Variants in IRAK3 observed in about 807,000 individuals in gnomAD.
IRAK3 encodes the protein interleukin-1 receptor-associated kinase 3.
Under a neutral mutation model 56.6 loss-of-function variants are expected in IRAK3, and 57 were observed. That is an observed-to-expected ratio of 1.01 (90% confidence interval 0.81 to 1.26). IRAK3 has a LOEUF of 1.26. Ranked by LOEUF, IRAK3 falls within the 50% of genes most tolerant of loss-of-function variation. The pLI is 0.00. For synonymous variants in IRAK3, 258 were observed against 255.7 expected, an observed-to-expected ratio of 1.01 and a Z score of -0.09; for missense variants, 703 against 719.0, an observed-to-expected ratio of 0.98 and a Z score of 0.25.
At chr12:66,209,544 T>A in intron 3 of IRAK3, 24 bp downstream of exon 3, 3 of 1,406,884 alleles carry the variant, frequency 2.1e-6, no homozygotes, top group South Asian at 2.3e-5. Flanking sequence ...GCATAGAAAA[T>A]GAGCCTTGAA....
intron 2 of IRAK3, among the ~76,000 whole-genome samples, chr12:66,204,922 A>G (rs2052545206): frequency 6.6e-6 from 1 of 152,052 alleles, no homozygotes; most frequent in Non-Finnish European, 1.5e-5. Context: ...GACTTCCACC[A>G]TGATATTATT....
intron 1 of IRAK3, chr12:66,197,461 T>C: frequency 1.0e-6 from 1 of 984,538 alleles, no homozygotes. Context: ...GAAGTATACA[T>C]TTTATGGATG....
In IRAK3 at chr12:66,211,497, G is replaced by C. The variant is rs2052611354; in HGVS notation, c.488G>C (p.Arg163Thr). The C allele has an allele frequency of 2.5e-6, 4 of 1,606,694 alleles. No homozygotes were observed. Among genetic ancestry groups the C allele is most frequent in the Non-Finnish European group, 3.4e-6 (4 of 1,173,198 alleles). Residue 163 changes from arginine to threonine, a missense_variant, in exon 5 of 12, where the codon AGA becomes ACA. Transcript: ENST00000261233. ...TTTCAAAATATCATAGAAGGAACTA[G>C]AAATTTCCACAAAGACTTCCTAATT... ...ISFQNIIEGTRNFHKDFLIGE... is the reference protein window; with the variant it reads ...ISFQNIIEGTTNFHKDFLIGE...
chr12:66,216,838 A>T (rs1356938564), intron 5 of IRAK3, among the ~76,000 whole-genome samples: 1 of 152,218 alleles, frequency 6.6e-6, no homozygotes, highest in Admixed American at 6.5e-5. Context: ...TTATAAGATC[A>T]AGTTGGGGAG....
chr12:66,200,101 C>T (rs1234769143), intron 1 of IRAK3, among the ~76,000 whole-genome samples: 2 of 152,166 alleles, frequency 1.3e-5, no homozygotes, highest in South Asian at 4.1e-4. Flanking sequence ...TAGAATGTCT[C>T]AACTTTATCT....
Position 66,206,521 on chromosome 12 carries a change from CATTG to C in IRAK3, c.316+2636_316+2639del, listed in dbSNP as rs148975844. Among the ~76,000 whole-genome samples the C allele has an allele frequency of 2.1e-3, 325 of 152,258 alleles. 3 individuals are homozygous for C. The highest frequency in any genetic ancestry group is 7.4e-3 in the African/African-American group (309 of 41,562). On this transcript the variant is annotated intron_variant, in intron 2 of 11. Transcript: ENST00000261233. Reference sequence around the variant, plus strand: ...TTCATTCTGTTAATGTGGTGTATTACATTGATTGATTTTCAGATATTAAACAAAT... The same window carrying C: ...TTCATTCTGTTAATGTGGTGTATTACATTGATTTTCAGATATTAAACAAAT...
At position 66,244,557 on chromosome 12, in the gene IRAK3, A is replaced by G. The variant is rs758054666; in HGVS notation, c.959A>G (p.His320Arg). Residue 320 changes from histidine to arginine, a missense_variant, in exon 9 of 12, where the codon CAC becomes CGC. By Grantham distance (29) the His-to-Arg change is conservative. Coordinates refer to ENST00000261233, the MANE Select transcript of IRAK3 (RefSeq NM_007199.3). ...TTTGCCATGGCACACTTCCGGTCCC[A>G]CCTAGAACATCAGAGTTGTACCATA... is the stretch of plus-strand genomic sequence containing the variant. Reference protein sequence around the residue: ...TDFAMAHFRSHLEHQSCTINM... With the variant: ...TDFAMAHFRSRLEHQSCTINM... 6.2e-7 allele frequency: 1 copy of G among 1,614,114 alleles called. No homozygotes were observed. The highest frequency in any genetic ancestry group is 2.2e-5 in the East Asian group (1 of 44,876).
At chr12:66,236,073 C>G (rs2052904450) in intron 8 of IRAK3, among the ~76,000 whole-genome samples, 1 of 152,176 alleles carries the variant, frequency 6.6e-6, no homozygotes, top group Non-Finnish European at 1.5e-5. Flanking sequence ...GCTTGATAAT[C>G]TGTCATTTTT....
intron 7 of IRAK3, 70 bp downstream of exon 7, chr12:66,226,907 C>CA: frequency 3.1e-6 from 3 of 968,174 alleles, no homozygotes; most frequent in Non-Finnish European, 3.3e-6. Flanking sequence ...CTGAAACCGT[C>CA]TGGGAGAGTT....
intron 1 of IRAK3, among the ~76,000 whole-genome samples, chr12:66,199,141 G>A (rs774958872): frequency 6.6e-6 from 1 of 152,176 alleles, no homozygotes; most frequent in Non-Finnish European, 1.5e-5. Flanking sequence ...TTGTTGGAAT[G>A]TTCATTTTGA....
Position 66,244,975 on chromosome 12 carries a change from A to G in IRAK3, c.1114A>G (p.Arg372Gly), listed in dbSNP as rs1449240577. ...AATAATGGAAGTTCTAACAGGATGT[A>G]GAGTAGTGTTAGATGATCCAAAACA... ...IVIMEVLTGC[R>G]VVLDDPKHIQ... Residue 372 changes from arginine to glycine, a missense_variant, in exon 10 of 12, where the codon AGA becomes GGA. Coordinates refer to ENST00000261233, the MANE Select transcript of IRAK3 (RefSeq NM_007199.3). 1 of 1,612,892 alleles carries G rather than the reference A, an allele frequency of 6.2e-7. No individual in the cohort carries two copies. Among genetic ancestry groups the G allele is most frequent in the East Asian group, 2.2e-5 (1 of 44,898 alleles).
chr12:66,191,262 G>A (rs1161966424), intron 1 of IRAK3, among the ~76,000 whole-genome samples: 1 of 141,168 alleles, frequency 7.1e-6, no homozygotes, highest in Admixed American at 6.9e-5. Flanking sequence ...GGAAGTAGGA[G>A]CAAAAATTGA....
intron 1 of IRAK3, chr12:66,196,709 G>T (rs1468299333): frequency 2.0e-5 from 4 of 195,396 alleles, no homozygotes; most frequent in African/African-American, 9.5e-5. Flanking sequence ...ACTAGTAAGT[G>T]TTAATGCTAA....
At chr12:66,235,126 C>T in intron 8 of IRAK3, 1 of 1,613,858 alleles carries the variant, frequency 6.2e-7, no homozygotes, top group Non-Finnish European at 8.5e-7. Flanking sequence ...TGAGCTGATC[C>T]CATCCTGAGT....
At chr12:66,217,843 G>T (rs917872079) in intron 6 of IRAK3, among the ~76,000 whole-genome samples, 1 of 152,006 alleles carries the variant, frequency 6.6e-6, no homozygotes, top group Non-Finnish European at 1.5e-5. Flanking sequence ...ATGTGAAGTC[G>T]GGAAGCAGGG....
chr12:66,245,179 C>G lies in IRAK3; in HGVS notation c.1231C>G (p.Pro411Ala). 6.2e-7 allele frequency: 1 copy of G among 1,614,106 alleles called. No individual in the cohort carries two copies. Among genetic ancestry groups the G allele is most frequent in the Non-Finnish European group, 8.5e-7 (1 of 1,180,014 alleles). The stretch of plus-strand genomic sequence containing the variant: ...TCTAGATAAGAAAGTGCCTCCCTGC[C>G]CTCGGAATTTCTCTGCCAAGCTCTT... ...SFLDKKVPPC[P>A]RNFSAKLFCL... is the part of the protein sequence containing the mutation. The change falls in exon 11 of 12, where the codon CCT (proline) becomes GCT (alanine). Residue 411 changes from proline to alanine, a missense_variant. Coordinates refer to ENST00000261233, the MANE Select transcript of IRAK3 (RefSeq NM_007199.3).
At chr12:66,235,906 C>T (rs1387206841) in intron 8 of IRAK3, among the ~76,000 whole-genome samples, 1 of 152,058 alleles carries the variant, frequency 6.6e-6, no homozygotes, top group Non-Finnish European at 1.5e-5. Context: ...TCTAGTCTAG[C>T]AATAACATAA....
intron 8 of IRAK3, among the ~76,000 whole-genome samples, chr12:66,230,934 A>G (rs1286850451): frequency 6.6e-6 from 1 of 152,222 alleles, no homozygotes; most frequent in Non-Finnish European, 1.5e-5. Flanking sequence ...AATGTCTCTA[A>G]GCCTCAATCT....
Position 66,215,780 on chromosome 12 carries a change from C to T in IRAK3, c.589-1391C>T, listed in dbSNP as rs966778183. ...TTTATCTCCGCCCCCTATTTTAACCCAACATGCACACACACACACACACAC... is the reference window on the plus strand; with the variant it reads ...TTTATCTCCGCCCCCTATTTTAACCTAACATGCACACACACACACACACAC... On this transcript the variant is annotated intron_variant, in intron 5 of 11. Transcript: ENST00000261233. Among the ~76,000 whole-genome samples, 5 of 24,368 alleles carry T rather than the reference C, an allele frequency of 2.1e-4. No homozygotes were observed. In the South Asian group the frequency reaches 6.6e-3, roughly 32 times the overall value. 16.0% of individuals were successfully genotyped at this position (24,368 alleles called of 152,430 possible).
Sources: gnomAD v4.1 joint callset for allele counts (sites outside exome capture counted in the v4.1 genomes callset) on GRCh38, gnomAD v4.1.1 for gene constraint, MANE v1.5 for transcripts, NCBI Gene and HGNC (gene_info 2026-07-23, HGNC 2026-07-21) for gene names.